Variants in RYR3 observed in about 807,000 individuals in gnomAD.
RYR3 encodes ryanodine receptor 3, also known as brain ryanodine receptor-calcium release channel.
In RYR3, 207 loss-of-function variants were observed where a neutral mutation model predicts 584.3. The observed-to-expected ratio is 0.35, with a 90% CI of 0.32 to 0.40. The LOEUF (loss-of-function observed/expected upper bound fraction) is 0.40, where lower values mean the gene tolerates loss of function less well. Ranked by LOEUF, RYR3 falls within the 10% of genes least tolerant of loss-of-function variation. The pLI is 1.00. For synonymous variants in RYR3, 2,416 were observed against 2,248.5 expected (o/e 1.07, Z -2.11); for missense variants, 5,616 against 6,089.2 (o/e 0.92, Z 2.59).
In RYR3 at chr15:33,604,306, G is replaced by T. The variant is rs1044494681; in HGVS notation, c.2164+942G>T. Among the ~76,000 whole-genome samples the T allele has an allele frequency of 1.3e-5, 2 of 152,228 alleles. 1 individual carries two copies. The highest frequency in any genetic ancestry group is 3.9e-4 in the East Asian group (2 of 5,184). ...GTAACTGGTAGCTACATAACTTATCGCATTTTCTTCCTTCCCTTAGCTTTC... is the reference window on the plus strand; with the variant it reads ...GTAACTGGTAGCTACATAACTTATCTCATTTTCTTCCTTCCCTTAGCTTTC... On this transcript the variant is annotated intron_variant, in intron 18 of 103. Coordinates refer to ENST00000634891, the MANE Select transcript of RYR3 (RefSeq NM_001036.6).
At chr15:33,857,990 G>A (rs1205259349) in intron 99 of RYR3, 76 bp downstream of exon 99, 2 of 1,580,494 alleles carry the variant, frequency 1.3e-6, no homozygotes, top group Non-Finnish European at 1.7e-6. Flanking sequence ...TGGGAAGAAG[G>A]GCTGTGTGGG....
chr15:33,414,435 T>C (rs1307127503), intron 1 of RYR3, among the ~76,000 whole-genome samples: 1 of 152,088 alleles, frequency 6.6e-6, no homozygotes, highest in Non-Finnish European at 1.5e-5. Flanking sequence ...GTCTCCATGG[T>C]TATCTTGCTT....
At chr15:33,603,480 C>G in intron 18 of RYR3, 116 bp downstream of exon 18, 1 of 1,106,358 alleles carries the variant, frequency 9.0e-7, no homozygotes, top group Non-Finnish European at 1.3e-6. Flanking sequence ...AGAGTCTCAA[C>G]TAATTAAACG....
At chr15:33,519,296 A>G (rs1000424402) in intron 3 of RYR3, among the ~76,000 whole-genome samples, 2 of 152,180 alleles carry the variant, frequency 1.3e-5, no homozygotes, top group African/African-American at 4.8e-5. Context: ...TCTATCTATC[A>G]TATATATAGA....
At chr15:33,699,620 C>G in intron 40 of RYR3, 84 bp from the exon 41 acceptor site, 1 of 1,281,640 alleles carries the variant, frequency 7.8e-7, no homozygotes, top group Non-Finnish European at 1.1e-6. Context: ...TCACACTTTA[C>G]CCACTTAAGA....
At position 33,843,497 on chromosome 15, in the gene RYR3, G is replaced by A. The variant is rs1226331762; in HGVS notation, c.13219G>A (p.Ala4407Thr). The A allele has an allele frequency of 1.1e-5, 17 of 1,601,932 alleles. No homozygotes were observed. The highest frequency in any genetic ancestry group is 1.4e-5 in the Non-Finnish European group (17 of 1,173,578). Residue 4407 changes from alanine to threonine, a missense_variant, in exon 92 of 104, where the codon GCC (alanine) becomes ACC (threonine). Ala to Thr is a moderately conservative substitution (Grantham distance 58). Around this residue, in one of 9 missense-constraint regions of RYR3, gnomAD observed 918 missense variants for 887.4 expected, o/e 1.03. Transcript: ENST00000634891. The part of the protein sequence containing the change: ...IYQTKLLHYL[A>T]RNFYNLRFLA... ...GTCCTTTTCTTTGCAGCATTACCTG[G>A]CCAGGAATTTCTACAACCTGAGGTT...
In RYR3 at chr15:33,696,370, A is replaced by G. The variant is rs1596205064; in HGVS notation, c.6013A>G (p.Thr2005Ala). The G allele has an allele frequency of 6.2e-7, 1 of 1,613,858 alleles. No homozygotes were observed. The highest frequency in any genetic ancestry group is 8.5e-7 in the Non-Finnish European group (1 of 1,179,872). Reference sequence around the variant, plus strand: ...GCTGCAGGCGCTGCGGAAGACCTACACCATCAGCCACACCTCTGTAAGCGA... The same window carrying G: ...GCTGCAGGCGCTGCGGAAGACCTACGCCATCAGCCACACCTCTGTAAGCGA... The part of the protein sequence containing the change: ...ELLQALRKTY[T>A]ISHTSVSDTI... The change falls in exon 39 of 104, where the codon ACC becomes GCC. Residue 2005 changes from threonine to alanine, a missense_variant. Around this residue, in one of 9 missense-constraint regions of RYR3, gnomAD observed 1,280 missense variants for 1,426.2 expected, o/e 0.90. Coordinates refer to ENST00000634891, the MANE Select transcript of RYR3 (RefSeq NM_001036.6).
intron 8 of RYR3, among the ~76,000 whole-genome samples, chr15:33,544,174 T>C (rs2141182136): frequency 6.6e-6 from 1 of 152,302 alleles, no homozygotes; most frequent in South Asian, 2.1e-4. Context: ...GATGTGTTCT[T>C]GTCCTTATAC....
At chr15:33,318,456 T>A (rs375932081) in intron 1 of RYR3, among the ~76,000 whole-genome samples, 1 of 152,190 alleles carries the variant, frequency 6.6e-6, no homozygotes, top group African/African-American at 2.4e-5. Flanking sequence ...ATGATTAACA[T>A]CATTAACAGC....
At chr15:33,451,889 A>G (rs921191136) in intron 1 of RYR3, among the ~76,000 whole-genome samples, 1 of 152,294 alleles carries the variant, frequency 6.6e-6, no homozygotes, top group African/African-American at 2.4e-5. Flanking sequence ...GCTCAAAGCC[A>G]TGCAGCCAGT....
intron 43 of RYR3, 96 bp from the exon 44 acceptor site, chr15:33,722,619 G>T: frequency 8.1e-7 from 1 of 1,241,942 alleles, no homozygotes; most frequent in South Asian, 1.3e-5. Flanking sequence ...TAGGTGATAA[G>T]CTGAACAAAA....
At chr15:33,613,398 T>C (rs2060292014) in intron 19 of RYR3, 23 bp downstream of exon 19, 1 of 1,573,360 alleles carries the variant, frequency 6.4e-7, no homozygotes, top group Non-Finnish European at 8.6e-7. Context: ...TGTGATTTCA[T>C]GGAGAGTAGC....
rs1480748746 is a variant in RYR3 at position 33,859,685 on chromosome 15, T to G, written c.14253T>G (p.Ile4751Met). 1.2e-6 allele frequency: 2 copies of G among 1,613,534 alleles called. No homozygotes were observed. The highest frequency in any genetic ancestry group is 1.7e-6 in the Non-Finnish European group (2 of 1,179,706). The stretch of plus-strand genomic sequence containing the variant: ...AAATGTATCGCATTGTCTTTGACAT[T>G]ACCTTTTTCTTCTTCGTCATTGTCA... The part of the protein sequence containing the change: ...PYEMYRIVFD[I>M]TFFFFVIVIL... The change falls in exon 100 of 104, where the codon ATT becomes ATG. Residue 4751 changes from isoleucine to methionine, a missense_variant. Ile to Met is a conservative substitution (Grantham distance 10). Transcript: ENST00000634891.
chr15:33,625,119 C>T (rs2060918111), intron 20 of RYR3, among the ~76,000 whole-genome samples: 1 of 152,044 alleles, frequency 6.6e-6, no homozygotes, highest in African/African-American at 2.4e-5. Flanking sequence ...AAAATCATGG[C>T]GGAAGGTGAA....
intron 1 of RYR3, among the ~76,000 whole-genome samples, chr15:33,388,222 T>G (rs2041759989): frequency 6.6e-6 from 1 of 152,196 alleles, no homozygotes; most frequent in Non-Finnish European, 1.5e-5. Flanking sequence ...CTTTAAGTTT[T>G]TGAGTGAAAA....
rs934338723 is a variant in RYR3 at position 33,390,592 on chromosome 15, G to A, written c.51+79496G>A. ...AACAAAGCAGGCATGAGGAGGCTATGTTTAGAAGGGTCTGTCTGCAAGGGT... is the reference window on the plus strand; with the variant it reads ...AACAAAGCAGGCATGAGGAGGCTATATTTAGAAGGGTCTGTCTGCAAGGGT... On this transcript the variant is annotated intron_variant, in intron 1 of 103. Coordinates refer to ENST00000634891, the MANE Select transcript of RYR3 (RefSeq NM_001036.6). This position sits in a 1 kb window ranked among gnomAD's most constrained non-coding sequence, Gnocchi z 4.2. Among the ~76,000 whole-genome samples the A allele has an allele frequency of 2.6e-5, 4 of 152,194 alleles. No homozygotes were observed. Among genetic ancestry groups the A allele is most frequent in the Non-Finnish European group, 5.9e-5 (4 of 68,044 alleles).
At chr15:33,781,345 G>A (rs2074368301) in intron 65 of RYR3, among the ~76,000 whole-genome samples, 1 of 152,308 alleles carries the variant, frequency 6.6e-6, no homozygotes, top group African/African-American at 2.4e-5. Context: ...ACAAGCTACA[G>A]TAAATTATTT....
intron 10 of RYR3, among the ~76,000 whole-genome samples, chr15:33,556,790 G>C (rs979069543): frequency 1.3e-5 from 2 of 151,874 alleles, no homozygotes; most frequent in African/African-American, 2.4e-5. Flanking sequence ...CTCTCCCCTG[G>C]CTGCACTCAC....
intron 1 of RYR3, among the ~76,000 whole-genome samples, chr15:33,397,817 G>A (rs534861207): frequency 1.3e-5 from 2 of 152,088 alleles, no homozygotes; most frequent in East Asian, 1.9e-4. Context: ...TCAGTCTTAC[G>A]ATCTCTATTT....
Sources: gnomAD v4.1 joint callset for allele counts (sites outside exome capture counted in the v4.1 genomes callset) on GRCh38, gnomAD v4.1.1 for gene constraint, gnomAD v4.1.1 regional missense constraint, Gnocchi (gnomAD v3.1) non-coding constraint, MANE v1.5 for transcripts, NCBI Gene and HGNC (gene_info 2026-07-23, HGNC 2026-07-21) for gene names.